The following MTHFD2L variants were observed in gnomAD, a reference collection of about 807,000 sequenced individuals.
MTHFD2L encodes the protein methylenetetrahydrofolate dehydrogenase (NADP+ dependent) 2 like, also known as bifunctional methylenetetrahydrofolate dehydrogenase/cyclohydrolase 2, mitochondrial.
A neutral mutation model predicts 34.9 loss-of-function variants in MTHFD2L; 29 were observed. That is an observed-to-expected ratio of 0.83 (90% CI 0.62 to 1.13). MTHFD2L has a LOEUF of 1.13. Ranked by LOEUF, MTHFD2L falls within the 50% of genes most tolerant of loss-of-function variation. The probability of loss-of-function intolerance (pLI) is 0.00; values close to 1 mark genes in which losing one functional copy is unlikely to be tolerated. For missense variants in MTHFD2L, 481 were observed against 446.5 expected (o/e 1.08, Z -0.70); for synonymous variants, 167 against 155.7 (o/e 1.07, Z -0.54).
chr4:74,154,070 T>C (rs1724100130), upstream of MTHFD2L, among the ~76,000 whole-genome samples: 1 of 152,230 alleles, frequency 6.6e-6, no homozygotes, highest in South Asian at 2.1e-4. Context: ...TGATTGTCTT[T>C]ACAGTTTTGA....
At chr4:74,271,076 T>C (rs1204014283) in intron 6 of MTHFD2L, among the ~76,000 whole-genome samples, 1 of 152,240 alleles carries the variant, frequency 6.6e-6, no homozygotes, top group Admixed American at 6.5e-5. Flanking sequence ...TATTAGCCCT[T>C]TGTCAGATGA....
At chr4:74,253,363 G>A (rs1294158878) in intron 6 of MTHFD2L, among the ~76,000 whole-genome samples, 2 of 151,746 alleles carry the variant, frequency 1.3e-5, no homozygotes, top group African/African-American at 2.4e-5. Context: ...ACAGAAACAT[G>A]AATTTGAACA....
At chr4:74,150,770 C>T (rs945526917) in intron 1 of MTHFD2L, among the ~76,000 whole-genome samples, 4 of 151,370 alleles carry the variant, frequency 2.6e-5, no homozygotes, top group East Asian at 3.9e-4. Flanking sequence ...TATATGTATA[C>T]GTGTGTGTGT....
intron 1 of MTHFD2L, among the ~76,000 whole-genome samples, chr4:74,126,563 G>C (rs1015359872): frequency 4.6e-5 from 7 of 152,036 alleles, no homozygotes; most frequent in African/African-American, 7.2e-5. Context: ...TCTCTGGTGT[G>C]TGTGTGTGTG....
chr4:74,227,534 CCAAAGTCCTTAGGCAGGAG>C (rs1446025693), intron 6 of MTHFD2L, among the ~76,000 whole-genome samples: 1 of 152,096 alleles, frequency 6.6e-6, no homozygotes, highest in Non-Finnish European at 1.5e-5. Flanking sequence ...ACAGCAGATA[CCAAAGTCCTTAGGCAGGAG>C]CATGCTTGAT....
At chr4:74,168,864 G>C (rs1490337264) in intron 1 of MTHFD2L, among the ~76,000 whole-genome samples, 5 of 152,148 alleles carry the variant, frequency 3.3e-5, no homozygotes, top group Non-Finnish European at 4.4e-5. Flanking sequence ...AACCTTTTTA[G>C]CTTTTCAAGA....
At chr4:74,251,147 G>A (rs1743249689) in intron 6 of MTHFD2L, among the ~76,000 whole-genome samples, 1 of 152,292 alleles carries the variant, frequency 6.6e-6, no homozygotes, top group Non-Finnish European at 1.5e-5. Context: ...ACAATAAATA[G>A]TATGCTGGGT....
At chr4:74,176,008 G>T (rs566927020) in intron 3 of MTHFD2L, among the ~76,000 whole-genome samples, 1 of 152,088 alleles carries the variant, frequency 6.6e-6, no homozygotes, top group South Asian at 2.1e-4. Flanking sequence ...GTTTAGATTA[G>T]CTCCCAGTAT....
chr4:74,250,160 T>G (rs1743096060), intron 6 of MTHFD2L, among the ~76,000 whole-genome samples: 1 of 152,228 alleles, frequency 6.6e-6, no homozygotes, highest in Non-Finnish European at 1.5e-5. Flanking sequence ...CCATATTTCT[T>G]GGAGGCTTTG....
At chr4:74,266,316 C>CA (rs1745282454) in intron 6 of MTHFD2L, among the ~76,000 whole-genome samples, 1 of 152,142 alleles carries the variant, frequency 6.6e-6, no homozygotes, top group African/African-American at 2.4e-5. Context: ...CAACTGCCTA[C>CA]ACATGCACTT....
chr4:74,276,529 A>G (rs890852248), intron 6 of MTHFD2L, among the ~76,000 whole-genome samples: 4 of 152,166 alleles, frequency 2.6e-5, no homozygotes, highest in African/African-American at 9.7e-5. Flanking sequence ...CAACTCTAAC[A>G]AAAAGAAAAA....
intron 6 of MTHFD2L, chr4:74,268,371 T>C: frequency 1.2e-5 from 6 of 505,202 alleles, no homozygotes; most frequent in Non-Finnish European, 1.5e-5. Context: ...GTGATCCACC[T>C]GAGTAAGCAT....
At chr4:74,140,803 A>G (rs1239475368) in intron 1 of MTHFD2L, among the ~76,000 whole-genome samples, 2 of 152,180 alleles carry the variant, frequency 1.3e-5, no homozygotes, top group Non-Finnish European at 2.9e-5. Flanking sequence ...CCCCTTATAA[A>G]ACCATTAGCT....
intron 5 of MTHFD2L, among the ~76,000 whole-genome samples, chr4:74,219,290 GTTAC>G (rs1737742464): frequency 6.6e-6 from 1 of 152,048 alleles, no homozygotes; most frequent in Admixed American, 6.6e-5. Flanking sequence ...GCACAAAATA[GTTAC>G]TTATAGACTC....
At chr4:74,233,759 T>C (rs2110147452) in intron 6 of MTHFD2L, among the ~76,000 whole-genome samples, 1 of 152,004 alleles carries the variant, frequency 6.6e-6, no homozygotes, top group South Asian at 2.1e-4. Flanking sequence ...CATCACAAAG[T>C]TTTATTTTTT....
intron 3 of MTHFD2L, among the ~76,000 whole-genome samples, chr4:74,185,588 G>A (rs1731074647): frequency 6.6e-6 from 1 of 152,090 alleles, no homozygotes; most frequent in African/African-American, 2.4e-5. Context: ...CCAGGACTTA[G>A]GGTGGTAATA....
chr4:74,293,641 T>A (rs1178862629), intron 7 of MTHFD2L: 2 of 390,558 alleles, frequency 5.1e-6, no homozygotes, highest in Non-Finnish European at 7.0e-6. Flanking sequence ...AGCTACTAAC[T>A]TGTTAAGGAG....
At chr4:74,269,230 G>A (rs1432378398) in intron 6 of MTHFD2L, among the ~76,000 whole-genome samples, 2 of 152,056 alleles carry the variant, frequency 1.3e-5, no homozygotes, top group Non-Finnish European at 2.9e-5. Context: ...TCTTTTGCCA[G>A]AAATAAGTTG....
intron 6 of MTHFD2L, among the ~76,000 whole-genome samples, chr4:74,258,173 T>A (rs1744258606): frequency 1.3e-5 from 2 of 151,856 alleles, no homozygotes; most frequent in South Asian, 4.2e-4. Flanking sequence ...AGTATGGAGG[T>A]TCCTAAAAAA....
Sources: gnomAD v4.1 joint callset for allele counts (sites outside exome capture counted in the v4.1 genomes callset) on GRCh38, gnomAD v4.1.1 for gene constraint, MANE v1.5 for transcripts, NCBI Gene and HGNC (gene_info 2026-07-23, HGNC 2026-07-21) for gene names.